The following IRF2 variants were observed in gnomAD, a reference collection of about 807,000 sequenced individuals.
IRF2 encodes the protein interferon regulatory factor 2.
In IRF2, 15 loss-of-function variants were observed where a neutral mutation model predicts 40.6. That is an observed-to-expected ratio of 0.37 (90% CI 0.25 to 0.57). IRF2 has a LOEUF of 0.57. Ranked by LOEUF, IRF2 falls within the 20% of genes least tolerant of loss-of-function variation. The pLI, the probability that IRF2 is intolerant of heterozygous loss-of-function variation, is 0.77. For missense variants in IRF2, 317 were observed against 455.7 expected, an observed-to-expected ratio of 0.70 and a Z score of 2.77; for synonymous variants, 151 against 165.5, an observed-to-expected ratio of 0.91 and a Z score of 0.67.
At chr4:184,473,935 ATT>A (rs1739628087) in intron 1 of IRF2, 1 of 151,990 alleles carries the variant, frequency 6.6e-6, no homozygotes, top group African/African-American at 2.4e-5. Flanking sequence ...CATACACACA[ATT>A]TTGTTTTAAA....
intron 1 of IRF2, among the ~76,000 whole-genome samples, chr4:184,446,592 CA>C (rs1237540612): frequency 6.6e-6 from 1 of 152,098 alleles, no homozygotes; most frequent in East Asian, 1.9e-4. Flanking sequence ...GTTACAGATA[CA>C]GAAAGAAAGA....
chr4:184,467,747 C>T (rs771746918), intron 1 of IRF2, among the ~76,000 whole-genome samples: 17 of 152,214 alleles, frequency 1.1e-4, no homozygotes, highest in Non-Finnish European at 1.8e-4. Flanking sequence ...AGTGTATACT[C>T]ATCTCTCCTT....
chr4:184,450,741 T>C (rs1465296194), intron 1 of IRF2, among the ~76,000 whole-genome samples: 1 of 152,258 alleles, frequency 6.6e-6, no homozygotes, highest in Admixed American at 6.5e-5. Context: ...ATGGCATTTG[T>C]AATATCATTG....
At chr4:184,455,422 G>A (rs1020722579) in intron 1 of IRF2, among the ~76,000 whole-genome samples, 4 of 146,662 alleles carry the variant, frequency 2.7e-5, no homozygotes, top group Non-Finnish European at 5.9e-5. Context: ...TGGGATTACA[G>A]GCATGAGCCA....
intron 2 of IRF2, among the ~76,000 whole-genome samples, chr4:184,427,458 A>T (rs1227687578): frequency 6.6e-6 from 1 of 152,218 alleles, no homozygotes; most frequent in Non-Finnish European, 1.5e-5. Context: ...GTTCCAGACC[A>T]GTCTGGGCAA....
At chr4:184,405,764 C>G (rs1040087654) in intron 6 of IRF2, among the ~76,000 whole-genome samples, 1 of 152,116 alleles carries the variant, frequency 6.6e-6, no homozygotes, top group Admixed American at 6.6e-5. Flanking sequence ...TAATTATAAA[C>G]GAGGCAGCGG....
intron 6 of IRF2, among the ~76,000 whole-genome samples, chr4:184,407,828 G>C (rs1290426338): frequency 2.6e-5 from 4 of 152,178 alleles, no homozygotes; most frequent in African/African-American, 9.7e-5. Flanking sequence ...CCTCTCCTTG[G>C]TTCCCGAGTT....
intron 1 of IRF2, among the ~76,000 whole-genome samples, chr4:184,429,749 C>T (rs1223358685): frequency 6.6e-6 from 1 of 152,160 alleles, no homozygotes; most frequent in African/African-American, 2.4e-5. Flanking sequence ...CCTGACATCA[C>T]CCCCTTTTCC....
chr4:184,420,864 G>A (rs1219908603), intron 2 of IRF2, among the ~76,000 whole-genome samples: 1 of 152,236 alleles, frequency 6.6e-6, no homozygotes, highest in Non-Finnish European at 1.5e-5. Flanking sequence ...CAAGGAACTT[G>A]CAGGATAATA....
chr4:184,419,538 G>T lies in IRF2; in HGVS notation c.118C>A (p.His40Asn). ...ACATCCCACCCATGTCTAGCCGCAT[G>T]CATCCAGGGGATCTGAAAAATCTTC... ...EKKIFQIPWM[H>N]AARHGWDVEK... Residue 40 changes from histidine (H) to asparagine (N), a missense_variant, in exon 3 of 9, where the codon CAT becomes AAT. His to Asn is a moderately conservative substitution (Grantham distance 68). Transcript: ENST00000393593. The T allele has an allele frequency of 6.6e-7, 1 of 1,510,848 alleles. No individual in the cohort carries two copies. Among genetic ancestry groups the T allele is most frequent in the Non-Finnish European group, 9.1e-7 (1 of 1,095,976 alleles). 93.6% of individuals were successfully genotyped at this position (1,510,848 alleles called of 1,614,324 possible).
chr4:184,434,182 G>A (rs1268999063), intron 1 of IRF2, among the ~76,000 whole-genome samples: 1 of 152,236 alleles, frequency 6.6e-6, no homozygotes, highest in African/African-American at 2.4e-5. Context: ...GTTAGAGAAG[G>A]CAGGTAGCTC....
At position 184,474,470 on chromosome 4, in the gene IRF2, T is replaced by A. The variant is rs570792952; in HGVS notation, c.-98A>T. 1 of 152,360 alleles carries A rather than the reference T, an allele frequency of 6.6e-6. No homozygotes were observed. The highest frequency in any genetic ancestry group is 1.5e-5 in the Non-Finnish European group (1 of 68,076). The allele number at this position is 152,360 out of a possible 1,614,324, so 9.4% of individuals were successfully genotyped here. A position where few individuals can be genotyped will look rare whatever the true frequency, so the allele number is the denominator to read the frequency against. ...GAAATGGAAATGAAAGCCCGTCAGTTGAATAATCGCAGGAGCAAAACTAAA... is the reference window on the plus strand; with the variant it reads ...GAAATGGAAATGAAAGCCCGTCAGTAGAATAATCGCAGGAGCAAAACTAAA... On this transcript the variant is annotated 5_prime_UTR_variant, in exon 1 of 9. Coordinates refer to ENST00000393593, the MANE Select transcript of IRF2 (RefSeq NM_002199.4). This position sits in a 1 kb window ranked among gnomAD's most constrained non-coding sequence, Gnocchi z 5.6.
intron 5 of IRF2, 102 bp downstream of exon 5, chr4:184,418,063 GAA>G (rs1737347350): frequency 1.2e-6 from 1 of 845,344 alleles, no homozygotes; most frequent in Admixed American, 1.9e-5. Context: ...AGCAAAGGAA[GAA>G]AGAGGACACA....
At chr4:184,452,799 AAAG>A (rs1431760315) in intron 1 of IRF2, among the ~76,000 whole-genome samples, 2 of 149,056 alleles carry the variant, frequency 1.3e-5, no homozygotes, top group Admixed American at 6.7e-5. Flanking sequence ...AAAAAAAGGG[AAAG>A]AAAGAAAGAA....
At chr4:184,389,130 G>A (rs1367549332) in intron 8 of IRF2, 64 bp from the exon 9 acceptor site, 3 of 1,500,262 alleles carry the variant, frequency 2.0e-6, no homozygotes, top group Non-Finnish European at 2.8e-6. Flanking sequence ...TTTTAAAAAT[G>A]CATCACTGGC....
chr4:184,420,483 G>A (rs1737444434), intron 2 of IRF2, among the ~76,000 whole-genome samples: 1 of 152,214 alleles, frequency 6.6e-6, no homozygotes, highest in Admixed American at 6.5e-5. Flanking sequence ...TAGAGGTTAT[G>A]AAATGACACA....
chr4:184,463,196 T>A (rs945769639), intron 1 of IRF2, among the ~76,000 whole-genome samples: 2 of 152,268 alleles, frequency 1.3e-5, no homozygotes, highest in African/African-American at 4.8e-5. Flanking sequence ...AGGTATGGTT[T>A]GTGGGGAGAG....
intron 7 of IRF2, 58 bp downstream of exon 7, chr4:184,398,857 G>A: frequency 6.7e-7 from 1 of 1,501,850 alleles, no homozygotes; most frequent in Non-Finnish European, 8.9e-7. Context: ...GGTGACCCTA[G>A]ACCAAAGGAC....
At chr4:184,453,254 A>G (rs894722144) in intron 1 of IRF2, among the ~76,000 whole-genome samples, 5 of 152,200 alleles carry the variant, frequency 3.3e-5, no homozygotes, top group African/African-American at 1.2e-4. Context: ...TAAGACCTAA[A>G]AGGGTAGACT....
Sources: gnomAD v4.1 joint callset for allele counts (sites outside exome capture counted in the v4.1 genomes callset) on GRCh38, gnomAD v4.1.1 for gene constraint, Gnocchi (gnomAD v3.1) non-coding constraint, MANE v1.5 for transcripts, NCBI Gene and HGNC (gene_info 2026-07-23, HGNC 2026-07-21) for gene names.